DGKB: variants seen among roughly 807,000 people sequenced by gnomAD.
DGKB encodes diacylglycerol kinase beta.
In DGKB, 67 loss-of-function variants were observed where a neutral mutation model predicts 114.3. The ratio of observed to expected loss-of-function variants is 0.59; its 90% CI spans 0.48 to 0.72. The LOEUF is 0.72. Ranked by LOEUF, DGKB falls within the 30% of genes least tolerant of loss-of-function variation. The pLI is 0.00. For missense variants in DGKB, 907 were observed against 975.2 expected, an observed-to-expected ratio of 0.93 and a Z score of 0.93; for synonymous variants, 398 against 323.1, an observed-to-expected ratio of 1.23 and a Z score of -2.49.
chr7:14,530,741 C>G (rs1323047242), intron 20 of DGKB, among the ~76,000 whole-genome samples: 1 of 151,500 alleles, frequency 6.6e-6, no homozygotes, highest in East Asian at 1.9e-4. Context: ...ATGTAACTTA[C>G]AATTAGACTA....
chr7:14,748,697 G>A (rs1204548997), intron 4 of DGKB, among the ~76,000 whole-genome samples: 1 of 152,118 alleles, frequency 6.6e-6, no homozygotes, highest in Non-Finnish European at 1.5e-5. Flanking sequence ...TTTTTAGTAG[G>A]AAATTCCATG....
chr7:14,907,912 A>C (rs1191057017), upstream of DGKB, among the ~76,000 whole-genome samples: 2 of 152,230 alleles, frequency 1.3e-5, no homozygotes, highest in African/African-American at 2.4e-5. Flanking sequence ...CCTAAGCTGG[A>C]CACATAATTA....
At chr7:14,374,514 C>T (rs1818180590) in intron 21 of DGKB, among the ~76,000 whole-genome samples, 1 of 152,160 alleles carries the variant, frequency 6.6e-6, no homozygotes, top group African/African-American at 2.4e-5. Context: ...CCACCTGTCT[C>T]CTATACCCTC....
chr7:14,603,608 T>C (rs548936527), intron 17 of DGKB, among the ~76,000 whole-genome samples: 7 of 152,250 alleles, frequency 4.6e-5, no homozygotes, highest in African/African-American at 1.4e-4. Context: ...CTATGAAATA[T>C]GCATATTTGA....
intron 20 of DGKB, among the ~76,000 whole-genome samples, chr7:14,483,224 C>T (rs1383985344): frequency 6.6e-6 from 1 of 152,054 alleles, no homozygotes; most frequent in Non-Finnish European, 1.5e-5. Flanking sequence ...AACCAGTGAC[C>T]CCTCTCTACA....
At chr7:14,738,204 T>C (rs932957201) in intron 4 of DGKB, among the ~76,000 whole-genome samples, 5 of 152,214 alleles carry the variant, frequency 3.3e-5, no homozygotes, top group Admixed American at 6.5e-5. Flanking sequence ...ATAGCTAATC[T>C]TCAACATGTA....
chr7:14,421,306 T>C (rs753527373), intron 21 of DGKB, among the ~76,000 whole-genome samples: 3 of 152,102 alleles, frequency 2.0e-5, no homozygotes, highest in Non-Finnish European at 4.4e-5. Flanking sequence ...AAATCCTTGT[T>C]CAATACATCA....
intron 1 of DGKB, among the ~76,000 whole-genome samples, chr7:14,938,446 C>A (rs2128253511): frequency 6.6e-6 from 1 of 152,226 alleles, no homozygotes; most frequent in Middle Eastern, 3.4e-3. Context: ...CTTTCAGTTG[C>A]ATTATTTTTC....
At chr7:14,327,453 T>C in intron 23 of DGKB, among the ~76,000 whole-genome samples, 1 of 152,170 alleles carries the variant, frequency 6.6e-6, no homozygotes, top group East Asian at 1.9e-4. Context: ...GAAAATAATA[T>C]CTAACTGCAC....
intron 20 of DGKB, among the ~76,000 whole-genome samples, chr7:14,494,685 T>G (rs1216294673): frequency 1.3e-5 from 2 of 152,010 alleles, no homozygotes; most frequent in South Asian, 2.1e-4. Flanking sequence ...ACATCAAATA[T>G]GCAAAGTGAA....
chr7:14,904,367 A>G (rs149359976), upstream of DGKB, among the ~76,000 whole-genome samples: 1,530 of 152,278 alleles, frequency 0.01, 37 homozygotes, highest in African/African-American at 0.035. Context: ...AGTACTTTTC[A>G]TATTGGCCAT....
intron 3 of DGKB, among the ~76,000 whole-genome samples, chr7:14,756,074 C>G (rs1390833526): frequency 6.6e-6 from 1 of 151,896 alleles, no homozygotes; most frequent in African/African-American, 2.4e-5. Context: ...AAGACTAAGT[C>G]TTGAGAGTCC....
At chr7:14,564,215 A>T (rs1191968263) in intron 20 of DGKB, among the ~76,000 whole-genome samples, 1 of 152,172 alleles carries the variant, frequency 6.6e-6, no homozygotes, top group Non-Finnish European at 1.5e-5. Flanking sequence ...GTTTTGCTGA[A>T]GCCATTAGTG....
At chr7:14,646,851 A>G (rs1813131414) in intron 13 of DGKB, among the ~76,000 whole-genome samples, 1 of 151,894 alleles carries the variant, frequency 6.6e-6, no homozygotes, top group African/African-American at 2.4e-5. Context: ...AGATTACACC[A>G]ATGAACACCT....
At chr7:14,160,082 T>TGAGAATGATATGATATAATCTATC (rs552892115) in intron 25 of DGKB, among the ~76,000 whole-genome samples, 93 of 152,328 alleles carry the variant, frequency 6.1e-4, no homozygotes, top group African/African-American at 2.0e-3. Flanking sequence ...AGATTTGTCA[T>TGAGAATGATATGATATAATCTATC]GAGAATGATA....
chr7:14,907,109 G>T (rs1783751297), upstream of DGKB, among the ~76,000 whole-genome samples: 1 of 152,112 alleles, frequency 6.6e-6, no homozygotes, highest in South Asian at 2.1e-4. Flanking sequence ...TGAATCAGTG[G>T]GACATAAGCT....
At chr7:14,716,659 AGGGTAAAC>A (rs1200481265) in intron 6 of DGKB, among the ~76,000 whole-genome samples, 1 of 152,212 alleles carries the variant, frequency 6.6e-6, no homozygotes, top group African/African-American at 2.4e-5. Flanking sequence ...CAATTTTAGA[AGGGTAAAC>A]ATATGTGGTA....
chr7:14,847,626 G>A (rs867624190), intron 1 of DGKB, among the ~76,000 whole-genome samples: 1 of 152,154 alleles, frequency 6.6e-6, no homozygotes, highest in Non-Finnish European at 1.5e-5. Flanking sequence ...ATTGTGTTTA[G>A]GGGGAAAGAG....
chr7:14,765,338 T>A (rs538436574), intron 2 of DGKB, among the ~76,000 whole-genome samples: 5 of 152,014 alleles, frequency 3.3e-5, no homozygotes, highest in Non-Finnish European at 7.4e-5. Flanking sequence ...ATGGGCATAA[T>A]ATCTTTGAGC....
Sources: gnomAD v4.1 joint callset for allele counts (sites outside exome capture counted in the v4.1 genomes callset) on GRCh38, gnomAD v4.1.1 for gene constraint, MANE v1.5 for transcripts, NCBI Gene and HGNC (gene_info 2026-07-23, HGNC 2026-07-21) for gene names.